Variants in DGKB observed in about 807,000 individuals in gnomAD.
DGKB encodes 90 kDa diacylglycerol kinase.
Under a neutral mutation model 114.3 loss-of-function variants are expected in DGKB, and 67 were observed. The ratio of observed to expected loss-of-function variants is 0.59; its 90% confidence interval spans 0.48 to 0.72. The LOEUF (loss-of-function observed/expected upper bound fraction) is 0.72. DGKB is among the 30% of genes least tolerant of loss of function. The pLI is 0.00. For missense variants in DGKB, 907 were observed against 975.2 expected (o/e 0.93, Z 0.93); for synonymous variants, 398 against 323.1 (o/e 1.23, Z -2.49).
At chr7:14,866,533 G>C (rs764230008) in intron 1 of DGKB, among the ~76,000 whole-genome samples, 2 of 152,036 alleles carry the variant, frequency 1.3e-5, no homozygotes, top group Non-Finnish European at 2.9e-5. Context: ...TTGCATTTAA[G>C]TTTCCTCTAT....
At chr7:14,564,680 A>G (rs1297144199) in intron 20 of DGKB, among the ~76,000 whole-genome samples, 1 of 151,834 alleles carries the variant, frequency 6.6e-6, no homozygotes, top group African/African-American at 2.4e-5. Flanking sequence ...CACTGGCCCA[A>G]TTTCTTCAGT....
chr7:14,883,140 T>C (rs954951271), intron 1 of DGKB, among the ~76,000 whole-genome samples: 7 of 152,106 alleles, frequency 4.6e-5, no homozygotes, highest in African/African-American at 1.7e-4. Flanking sequence ...ATCATGAATG[T>C]ATAAAGATAT....
chr7:14,550,377 G>A (rs868530513), intron 20 of DGKB, among the ~76,000 whole-genome samples: 6 of 152,224 alleles, frequency 3.9e-5, no homozygotes, highest in East Asian at 1.9e-4. Flanking sequence ...AAATTGCTCT[G>A]AGGTAAAATT....
intron 21 of DGKB, among the ~76,000 whole-genome samples, chr7:14,424,280 C>G (rs1241516331): frequency 6.6e-6 from 1 of 152,120 alleles, no homozygotes; most frequent in Non-Finnish European, 1.5e-5. Flanking sequence ...TCACTCAGCT[C>G]TTGCTACATT....
intron 2 of DGKB, among the ~76,000 whole-genome samples, chr7:14,823,897 C>A (rs979763495): frequency 9.9e-5 from 15 of 152,090 alleles, no homozygotes; most frequent in African/African-American, 3.6e-4. Flanking sequence ...TTCATCTGTT[C>A]TCACGGTGCT....
At chr7:14,938,794 TC>T (rs1317827836) in intron 1 of DGKB, among the ~76,000 whole-genome samples, 3 of 152,190 alleles carry the variant, frequency 2.0e-5, no homozygotes. Context: ...TTATATTTCT[TC>T]CTTTCAAAAA....
At chr7:14,834,056 C>T (rs1001900957) in intron 2 of DGKB, among the ~76,000 whole-genome samples, 1 of 152,130 alleles carries the variant, frequency 6.6e-6, no homozygotes, top group African/African-American at 2.4e-5. Flanking sequence ...TACTGTGGCA[C>T]TTCCTATAAT....
intron 23 of DGKB, among the ~76,000 whole-genome samples, chr7:14,336,430 CT>C (rs1810680545): frequency 6.6e-6 from 1 of 152,122 alleles, no homozygotes; most frequent in African/African-American, 2.4e-5. Context: ...GCCTAACATA[CT>C]TCTGTTTTTG....
At chr7:14,817,101 A>G (rs16878281) in intron 2 of DGKB, among the ~76,000 whole-genome samples, 1 of 152,124 alleles carries the variant, frequency 6.6e-6, no homozygotes, top group Non-Finnish European at 1.5e-5. Flanking sequence ...AAGGGCTAAT[A>G]GTTTCCTGAA....
intron 2 of DGKB, among the ~76,000 whole-genome samples, chr7:14,839,551 G>T (rs1847633567): frequency 6.6e-6 from 1 of 151,530 alleles, no homozygotes; most frequent in African/African-American, 2.4e-5. Context: ...ACATGTGCAT[G>T]CCAGCCTGCT....
At chr7:14,592,197 A>G (rs1008560026) in intron 17 of DGKB, among the ~76,000 whole-genome samples, 2 of 151,894 alleles carry the variant, frequency 1.3e-5, no homozygotes, top group Non-Finnish European at 2.9e-5. Context: ...ATATCTATAC[A>G]TGGTGAATGC....
intron 6 of DGKB, among the ~76,000 whole-genome samples, chr7:14,712,514 T>C (rs1458363761): frequency 6.6e-6 from 1 of 151,804 alleles, no homozygotes; most frequent in Non-Finnish European, 1.5e-5. Context: ...TCTACTAAAA[T>C]ACAAAAATTA....
chr7:14,454,152 A>G (rs1831938049), intron 21 of DGKB, among the ~76,000 whole-genome samples: 1 of 152,026 alleles, frequency 6.6e-6, no homozygotes, highest in Non-Finnish European at 1.5e-5. Context: ...AGAACATTAC[A>G]CTTCTTCTCT....
At chr7:14,922,332 A>T (rs963811924) in intron 1 of DGKB, among the ~76,000 whole-genome samples, 28 of 151,532 alleles carry the variant, frequency 1.8e-4, no homozygotes, top group Middle Eastern at 3.4e-3. Context: ...TATAACATGA[A>T]GACTATGTAT....
At chr7:14,800,786 A>G (rs1842050409) in intron 2 of DGKB, among the ~76,000 whole-genome samples, 1 of 152,164 alleles carries the variant, frequency 6.6e-6, no homozygotes, top group East Asian at 1.9e-4. Flanking sequence ...GAATTGAGTT[A>G]CAATGTTGGC....
intron 23 of DGKB, among the ~76,000 whole-genome samples, chr7:14,225,924 T>A (rs918997330): frequency 6.6e-6 from 1 of 151,970 alleles, no homozygotes; most frequent in East Asian, 1.9e-4. Context: ...TTCTCTAAAA[T>A]GAATTTAAAA....
chr7:14,745,627 G>A (rs2098145), intron 4 of DGKB, among the ~76,000 whole-genome samples: 45,197 of 152,092 alleles, frequency 0.3, 9,479 homozygotes, highest in African/African-American at 0.59. Context: ...TGGAATGATT[G>A]GGCAGAGCCA....
chr7:14,785,506 A>G (rs1839755817), intron 2 of DGKB, among the ~76,000 whole-genome samples: 1 of 152,112 alleles, frequency 6.6e-6, no homozygotes, highest in South Asian at 2.1e-4. Flanking sequence ...CGTCATGACT[A>G]AATTAAATTA....
intron 17 of DGKB, among the ~76,000 whole-genome samples, chr7:14,604,516 C>T (rs2128772222): frequency 6.6e-6 from 1 of 152,112 alleles, no homozygotes; most frequent in African/African-American, 2.4e-5. Flanking sequence ...AGAAAAAATG[C>T]ATACTATACT....
Sources: gnomAD v4.1 joint callset for allele counts (sites outside exome capture counted in the v4.1 genomes callset) on GRCh38, gnomAD v4.1.1 for gene constraint, MANE v1.5 for transcripts, NCBI Gene and HGNC (gene_info 2026-07-23, HGNC 2026-07-21) for gene names.